Variants in ABCG2 observed in about 807,000 individuals in gnomAD.
The protein encoded by ABCG2 is ATP binding cassette subfamily G member 2 (JR blood group).
In ABCG2, 80 loss-of-function variants were observed where a neutral mutation model predicts 73.5. The observed-to-expected ratio is 1.09, with a 90% CI of 0.91 to 1.31. The LOEUF (loss-of-function observed/expected upper bound fraction) is 1.31. Among genes scored for constraint, ABCG2 ranks in the 50% most tolerant of loss-of-function variants. The pLI, the probability that ABCG2 is intolerant of heterozygous loss-of-function variation, is 0.00. For missense variants in ABCG2, 796 were observed against 786.2 expected, an observed-to-expected ratio of 1.01 and a Z score of -0.15; for synonymous variants, 269 against 282.4, an observed-to-expected ratio of 0.95 and a Z score of 0.48.
chr4:88,113,453 T>C lies in ABCG2; in HGVS notation c.1044A>G (p.Glu348=), dbSNP rs1723284008. Residue 348 remains glutamate, a synonymous_variant, in exon 9 of 16, where the codon GAA becomes GAG. Coordinates refer to ENST00000237612, the MANE Select transcript of ABCG2 (RefSeq NM_004827.3). ...NSSFYKETKA[E]LHQLSGGEKK... is the part of the protein sequence containing the mutation. ...TCTCACCCCCGGAAAGTTGATGTAA[T>C]TCAGCTTTTGTCTCTTTGTAGAAGG... 11 of 1,614,170 alleles carry C rather than the reference T, an allele frequency of 6.8e-6. No homozygotes were observed. Among genetic ancestry groups the C allele is most frequent in the South Asian group, 5.5e-5 (5 of 91,080 alleles).
intron 14 of ABCG2, 49 bp from the exon 15 acceptor site, chr4:88,094,708 G>C (rs1446690165): frequency 1.4e-6 from 2 of 1,425,798 alleles, no homozygotes; most frequent in African/African-American, 1.4e-5. Context: ...TAAATTTCAA[G>C]AAGTTTCCAA....
At chr4:88,112,691 A>G (rs1723222297) in intron 9 of ABCG2, among the ~76,000 whole-genome samples, 1 of 151,816 alleles carries the variant, frequency 6.6e-6, no homozygotes, top group Non-Finnish European at 1.5e-5. Context: ...CTACCAGAAA[A>G]CCCCAAAACT....
chr4:88,196,595 C>A (rs1214360019), intron 1 of ABCG2, among the ~76,000 whole-genome samples: 4 of 152,024 alleles, frequency 2.6e-5, no homozygotes, highest in Non-Finnish European at 5.9e-5. Context: ...ACTTGAGTAT[C>A]TCAGTCATAG....
chr4:88,160,468 C>T (rs774455192), upstream of ABCG2, among the ~76,000 whole-genome samples: 6 of 152,062 alleles, frequency 3.9e-5, no homozygotes, highest in Non-Finnish European at 7.4e-5. Flanking sequence ...AAAACACACA[C>T]GAAACTGATA....
chr4:88,180,296 C>T (rs1728180561), intron 1 of ABCG2, among the ~76,000 whole-genome samples: 1 of 152,082 alleles, frequency 6.6e-6, no homozygotes, highest in East Asian at 1.9e-4. Context: ...AGGAAAAAAA[C>T]TTGGATCCTA....
chr4:88,092,496 C>A, intron 15 of ABCG2, 115 bp from the exon 16 acceptor site: 1 of 1,077,910 alleles, frequency 9.3e-7, no homozygotes, highest in East Asian at 2.5e-5. Flanking sequence ...TTAATAATTA[C>A]CCCTTCAGAT....
intron 1 of ABCG2, among the ~76,000 whole-genome samples, chr4:88,209,579 C>G (rs755481565): frequency 4.0e-5 from 6 of 151,888 alleles, no homozygotes; most frequent in Non-Finnish European, 5.9e-5. Context: ...ATCGCTTGAA[C>G]CTGGGAGCCG....
At chr4:88,137,668 G>C (rs1725345923) in intron 2 of ABCG2, among the ~76,000 whole-genome samples, 1 of 152,184 alleles carries the variant, frequency 6.6e-6, no homozygotes, top group South Asian at 2.1e-4. Flanking sequence ...TTATATAGGA[G>C]AGGGTCGTTT....
chr4:88,106,798 T>C, intron 10 of ABCG2, among the ~76,000 whole-genome samples: 1 of 152,186 alleles, frequency 6.6e-6, no homozygotes, highest in East Asian at 1.9e-4. Flanking sequence ...CCCAGCACTT[T>C]GGGAGGCCAA....
intron 13 of ABCG2, among the ~76,000 whole-genome samples, chr4:88,096,617 T>C (rs1171502645): frequency 1.3e-5 from 2 of 152,188 alleles, no homozygotes; most frequent in Admixed American, 6.5e-5. Flanking sequence ...CATCTACTCC[T>C]ACTCTAGCAG....
At chr4:88,152,638 G>A (rs780052631) in intron 1 of ABCG2, among the ~76,000 whole-genome samples, 2 of 152,130 alleles carry the variant, frequency 1.3e-5, no homozygotes, top group Non-Finnish European at 1.5e-5. Flanking sequence ...GTGGTGGAAT[G>A]TCATCAGTTA....
intron 1 of ABCG2, among the ~76,000 whole-genome samples, chr4:88,213,618 G>C (rs987736022): frequency 6.6e-6 from 1 of 151,750 alleles, no homozygotes; most frequent in Non-Finnish European, 1.5e-5. Context: ...GTATATATAT[G>C]TGTGTGAATA....
At chr4:88,158,949 G>T, upstream of ABCG2, 1 of 348,302 alleles carries the variant, frequency 2.9e-6, no homozygotes, top group Non-Finnish European at 5.6e-6. Flanking sequence ...CCCAGGTCGG[G>T]GTTCGCGGGC....
At position 88,127,314 on chromosome 4, in the gene ABCG2, G is replaced by A. The variant is rs141717954; in HGVS notation, c.531+3747C>T. ...AACATTTCATGCTCATGGATAGGAA[G>A]AATCAATATCATGAGAATGGCCATA... is the stretch of plus-strand genomic sequence containing the variant. On this transcript the variant is annotated intron_variant, in intron 5 of 15. Coordinates refer to ENST00000237612, the MANE Select transcript of ABCG2 (RefSeq NM_004827.3). Among the ~76,000 whole-genome samples, 1,124 of 152,174 alleles carry A rather than the reference G, an allele frequency of 7.4e-3. 11 individuals are homozygous for A. Among genetic ancestry groups the A allele is most frequent in the Middle Eastern group, 0.014 (4 of 294 alleles).
intron 1 of ABCG2, among the ~76,000 whole-genome samples, chr4:88,153,751 C>T (rs928654027): frequency 3.3e-5 from 5 of 152,072 alleles, no homozygotes; most frequent in African/African-American, 1.2e-4. Flanking sequence ...AGTGTCTACC[C>T]AGACCAAGAA....
At chr4:88,100,941 C>T (rs1203046799) in intron 11 of ABCG2, among the ~76,000 whole-genome samples, 1 of 152,158 alleles carries the variant, frequency 6.6e-6, no homozygotes, top group Non-Finnish European at 1.5e-5. Flanking sequence ...GTACTCAAAT[C>T]TAGAAAAACT....
intron 1 of ABCG2, among the ~76,000 whole-genome samples, chr4:88,199,176 C>T (rs1225213477): frequency 6.6e-6 from 1 of 151,948 alleles, no homozygotes; most frequent in Non-Finnish European, 1.5e-5. Context: ...ACCATGTTGG[C>T]CAGGCTGGTC....
Position 88,121,721 on chromosome 4 carries a change from G to A in ABCG2, c.603C>T (p.Ile201=), listed in dbSNP as rs141546179. 6.2e-7 allele frequency: 1 copy of A among 1,613,884 alleles called. No individual in the cohort carries two copies. Among genetic ancestry groups the A allele is most frequent in the African/African-American group, 1.3e-5 (1 of 74,914 alleles). Residue 201 remains isoleucine (I), a synonymous_variant, in exon 6 of 16, where the codon ATC becomes ATT. Transcript: ENST00000237612. ...CCAAGAACAAGATGGAAGGATCAGT[G>A]ATAAGCTCCATTCCTATACTAGTCC... ...RKRTSIGMEL[I]TDPSILFLDE...
At chr4:88,172,805 T>G (rs184853831) in intron 1 of ABCG2, among the ~76,000 whole-genome samples, 2 of 152,242 alleles carry the variant, frequency 1.3e-5, no homozygotes, top group Admixed American at 6.5e-5. Context: ...GAGGGGTTTT[T>G]TTCTGGCTTG....
Sources: allele counts gnomAD v4.1 joint callset (sites outside exome capture counted in the v4.1 genomes callset), GRCh38; gene constraint gnomAD v4.1.1; transcripts MANE v1.5; gene names NCBI Gene and HGNC (gene_info 2026-07-23, HGNC 2026-07-21).